Variants in UGT1A4 observed in about 807,000 individuals in gnomAD.
UGT1A4 encodes UDP-glucuronosyltransferase 1A4.
A neutral mutation model predicts 41.1 loss-of-function variants in UGT1A4; 32 were observed. That is an observed-to-expected ratio of 0.78 (90% CI 0.59 to 1.05). UGT1A4 has a LOEUF of 1.05. UGT1A4 is among the 50% of genes least tolerant of loss of function. UGT1A4 has a pLI of 0.00. For synonymous variants in UGT1A4, 283 were observed against 265.1 expected, an observed-to-expected ratio of 1.07 and a Z score of -0.66; for missense variants, 748 against 677.4, an observed-to-expected ratio of 1.10 and a Z score of -1.16.
At position 233,769,852 on chromosome 2, in the gene UGT1A4, T is replaced by C; in HGVS notation, c.1307+1413T>C. On this transcript the variant is annotated intron_variant, in intron 4 of 4. Coordinates refer to ENST00000373409, the MANE Select transcript of UGT1A4 (RefSeq NM_007120.3). The surrounding 1 kb of genome is among the most constrained non-coding windows in gnomAD (Gnocchi z 4.4). ...CAACCTGGGCAACAGAGTGAGACCC[T>C]GTCTCAAAAAAAAAAAAAAAAATGA... The C allele has an allele frequency of 2.2e-6, 1 of 461,208 alleles. No individual in the cohort carries two copies. Among genetic ancestry groups the C allele is most frequent in the South Asian group, 5.8e-5 (1 of 17,366 alleles). The allele number at this position is 461,208 out of a possible 1,614,324, so 28.6% of individuals were successfully genotyped here.
intron 1 of UGT1A4, among the ~76,000 whole-genome samples, chr2:233,751,322 C>G (rs1431699530): frequency 6.6e-6 from 1 of 151,916 alleles, no homozygotes; most frequent in Non-Finnish European, 1.5e-5. Context: ...TTCTGTACCC[C>G]CATTGTGTCT....
rs1273237448 is a variant in UGT1A4 at position 233,760,469 on chromosome 2, C to G, written c.868-6565C>G. The G allele has an allele frequency of 6.2e-6, 10 of 1,614,092 alleles. No homozygotes were observed. The highest frequency in any genetic ancestry group is 2.2e-5 in the South Asian group (2 of 91,086). On this transcript the variant is annotated intron_variant, in intron 1 of 4. Transcript: ENST00000373409. The stretch of plus-strand genomic sequence containing the variant: ...AGGGGACATGAAATAGTTGTCCTAG[C>G]ACCTGACGCCTCGTTGTACATCAGA...
intron 1 of UGT1A4, among the ~76,000 whole-genome samples, chr2:233,731,635 T>A (rs2078185230): frequency 6.6e-6 from 1 of 152,238 alleles, no homozygotes; most frequent in Non-Finnish European, 1.5e-5. Context: ...TATGGCTGCA[T>A]AGTATTCCAT....
intron 1 of UGT1A4, chr2:233,760,624 T>G (rs1305127348): frequency 6.2e-7 from 1 of 1,614,172 alleles, no homozygotes; most frequent in Non-Finnish European, 8.5e-7. Flanking sequence ...GATCAAAACA[T>G]ACAAGAAAAT....
chr2:233,772,893 C>A lies in UGT1A4; in HGVS notation c.*334C>A, dbSNP rs1248675472. 18 of 490,984 alleles carry A rather than the reference C, an allele frequency of 3.7e-5. No individual in the cohort carries two copies. In the East Asian group the frequency reaches 9.8e-4, roughly 27 times the overall value. 30.4% of individuals were successfully genotyped at this position (490,984 alleles called of 1,614,324 possible). A position where few individuals can be genotyped will look rare whatever the true frequency, so the allele number is the denominator to read the frequency against. ...TGGGAGTGCGGGATTCAAAGGTGGTCCCACGGCTGCCCCTACTGCAAATGG... is the reference window on the plus strand; with the variant it reads ...TGGGAGTGCGGGATTCAAAGGTGGTACCACGGCTGCCCCTACTGCAAATGG... On this transcript the variant is annotated 3_prime_UTR_variant, in exon 5 of 5. Transcript: ENST00000373409.
intron 1 of UGT1A4, among the ~76,000 whole-genome samples, chr2:233,762,901 A>G (rs545178357): frequency 1.3e-5 from 2 of 152,194 alleles, no homozygotes; most frequent in Admixed American, 6.5e-5. Flanking sequence ...GCCAAATATC[A>G]GGGCTATTGA....
chr2:233,745,543 AC>A (rs1237157104), intron 1 of UGT1A4, among the ~76,000 whole-genome samples: 1 of 151,766 alleles, frequency 6.6e-6, no homozygotes, highest in Non-Finnish European at 1.5e-5. Flanking sequence ...TGTCACCAGA[AC>A]AAACTTCTAA....
chr2:233,721,778 T>C (rs1223743047), intron 1 of UGT1A4: 3 of 503,204 alleles, frequency 6.0e-6, no homozygotes, highest in African/African-American at 5.8e-5. Context: ...TTAGCATTAT[T>C]CTCTGCATTT....
chr2:233,755,339 G>A (rs2125934548), intron 1 of UGT1A4: 7 of 431,136 alleles, frequency 1.6e-5, no homozygotes, highest in South Asian at 1.2e-4. Flanking sequence ...CCGCGCACAG[G>A]TCAGAGGCTT....
Position 233,754,563 on chromosome 2 carries a change from C to T in UGT1A4, c.868-12471C>T, listed in dbSNP as rs1133493. 9 of 399,474 alleles carry T rather than the reference C, an allele frequency of 2.3e-5. No homozygotes were observed. The East Asian group carries it at 2.9e-4, about 13-fold the overall frequency. 24.7% of individuals were successfully genotyped at this position (399,474 alleles called of 1,614,324 possible). On this transcript the variant is annotated intron_variant, in intron 1 of 4. Transcript: ENST00000373409. ...GGAATTACTTGGTGTCAATGGGGAG[C>T]AACTGCTCTATGCCGTTTATTATGA... is the stretch of plus-strand genomic sequence containing the variant.
intron 1 of UGT1A4, among the ~76,000 whole-genome samples, chr2:233,727,296 G>A (rs1359558344): frequency 1.3e-5 from 2 of 152,036 alleles, no homozygotes; most frequent in Non-Finnish European, 2.9e-5. Context: ...TGATGACTTG[G>A]GCAGCTCCTT....
At chr2:233,742,623 T>C (rs1436879759) in intron 1 of UGT1A4, 3 of 151,992 alleles carry the variant, frequency 2.0e-5, no homozygotes, top group Non-Finnish European at 2.9e-5. Flanking sequence ...ACGTTCAGGC[T>C]GAAGACAGTC....
chr2:233,750,190 A>G (rs1694385448), intron 1 of UGT1A4, among the ~76,000 whole-genome samples: 1 of 151,894 alleles, frequency 6.6e-6, no homozygotes, highest in African/African-American at 2.4e-5. Context: ...TGTTGTGGAC[A>G]ATGAAGTCCA....
chr2:233,739,438 T>G (rs1285921869), intron 1 of UGT1A4, among the ~76,000 whole-genome samples: 1 of 152,226 alleles, frequency 6.6e-6, no homozygotes, highest in Non-Finnish European at 1.5e-5. Context: ...GGCTTTACCC[T>G]GCAAAGCCAC....
intron 1 of UGT1A4, chr2:233,747,528 T>C: frequency 6.2e-7 from 1 of 1,605,898 alleles, no homozygotes; most frequent in Non-Finnish European, 8.5e-7. Context: ...AACAGAACAT[T>C]TTCTGAAGAC....
chr2:233,765,512 A>T (rs1230847041), intron 1 of UGT1A4, among the ~76,000 whole-genome samples: 5 of 152,144 alleles, frequency 3.3e-5, no homozygotes, highest in African/African-American at 1.2e-4. Flanking sequence ...AGGAACAGAA[A>T]ATCAAACACC....
At chr2:233,766,890 A>G (rs1433588040) in intron 1 of UGT1A4, 144 bp from the exon 2 acceptor site, 1 of 1,467,048 alleles carries the variant, frequency 6.8e-7, no homozygotes, top group Non-Finnish European at 9.0e-7. Flanking sequence ...TAAAACTTAC[A>G]TATTAATAAT....
chr2:233,724,324 G>A (rs1335235412), intron 1 of UGT1A4, among the ~76,000 whole-genome samples: 16 of 147,022 alleles, frequency 1.1e-4, no homozygotes, highest in African/African-American at 1.5e-4. Flanking sequence ...GGGGCGGCTG[G>A]CCAGGCGGGG....
chr2:233,724,299 A>C (rs1357747984), intron 1 of UGT1A4, among the ~76,000 whole-genome samples: 1 of 112,984 alleles, frequency 8.9e-6, no homozygotes, highest in Non-Finnish European at 1.8e-5. Flanking sequence ...TGACCCCCCC[A>C]CCTCCCTCCC....
Sources: gnomAD v4.1 joint callset for allele counts (sites outside exome capture counted in the v4.1 genomes callset) on GRCh38, gnomAD v4.1.1 for gene constraint, Gnocchi (gnomAD v3.1) non-coding constraint, MANE v1.5 for transcripts, NCBI Gene and HGNC (gene_info 2026-07-23, HGNC 2026-07-21) for gene names.